GLIPR2: variants seen among roughly 807,000 people sequenced by gnomAD.
GLIPR2 encodes the protein GLI pathogenesis related 2, also known as Golgi-associated plant pathogenesis-related protein 1.
GLIPR2 carries 21 observed loss-of-function variants against 20.4 expected under a neutral mutation model. The observed-to-expected ratio is 1.03, with a 90% CI of 0.73 to 1.48. The LOEUF is 1.48. Among genes scored for constraint, GLIPR2 ranks in the 40% most tolerant of loss-of-function variants. GLIPR2 has a pLI of 0.00. For missense variants in GLIPR2, 205 were observed against 200.1 expected (o/e 1.02, Z -0.15); for synonymous variants, 91 against 80.5 (o/e 1.13, Z -0.70).
intron 1 of GLIPR2, among the ~76,000 whole-genome samples, chr9:36,138,255 CCTT>C (rs1184067830): frequency 3.3e-5 from 5 of 151,932 alleles, no homozygotes; most frequent in Non-Finnish European, 7.4e-5. Context: ...GACGTGGTCT[CCTT>C]CTGTTGCCCA....
intron 1 of GLIPR2, among the ~76,000 whole-genome samples, chr9:36,138,846 G>A (rs571034424): frequency 2.0e-5 from 3 of 152,320 alleles, no homozygotes; most frequent in South Asian, 4.1e-4. Flanking sequence ...GGGAGCCGAC[G>A]AGGGTTCCTG....
intron 1 of GLIPR2, among the ~76,000 whole-genome samples, chr9:36,145,257 A>C (rs527625461): frequency 1.3e-5 from 2 of 152,354 alleles, no homozygotes; most frequent in East Asian, 3.9e-4. Context: ...CAGTGTCTTC[A>C]TCATAGCCTG....
At chr9:36,153,522 C>T (rs550446056) in intron 4 of GLIPR2, among the ~76,000 whole-genome samples, 26 of 152,292 alleles carry the variant, frequency 1.7e-4, no homozygotes, top group Admixed American at 1.6e-3. Flanking sequence ...CAGCCTCCCC[C>T]AGACCCTGTC....
Position 36,147,883 on chromosome 9 carries a change from G to C in GLIPR2, c.111G>C (p.Arg37=), listed in dbSNP as rs376495118. 6.5e-7 allele frequency: 1 copy of C among 1,535,160 alleles called. No individual in the cohort carries two copies. The highest frequency in any genetic ancestry group is 1.4e-5 in the African/African-American group (1 of 73,080). The change falls in exon 2 of 5, where the codon CGG becomes CGC. Residue 37 remains arginine, a synonymous_variant. Transcript: ENST00000377960. ...PPLKLCKNLN[R]EAQQYSEALA... ...TGAAGCTCTGCAAGAACCTCAACCG[G>C]GAGGCTCAACAGTGAGTCCCCTAGC...
At chr9:36,147,942 A>G (rs2132737453) in intron 2 of GLIPR2, 48 bp downstream of exon 2, 2 of 877,658 alleles carry the variant, frequency 2.3e-6, no homozygotes, top group South Asian at 1.3e-5. Flanking sequence ...ATGTGCTGCT[A>G]CTGCAGTCAC....
intron 4 of GLIPR2, 132 bp from the exon 5 acceptor site, chr9:36,162,230 A>AG: frequency 6.3e-7 from 1 of 1,583,476 alleles, no homozygotes. Flanking sequence ...CTTCCCCTGC[A>AG]GGGGGTCTGT....
intron 3 of GLIPR2, among the ~76,000 whole-genome samples, chr9:36,149,950 C>T (rs1825506905): frequency 6.6e-6 from 1 of 152,316 alleles, no homozygotes; most frequent in South Asian, 2.1e-4. Context: ...ATCGCTTGAA[C>T]CTGGGAGGTG....
Position 36,136,960 on chromosome 9 carries a change from G to A in GLIPR2, c.13+169G>A, listed in dbSNP as rs73438830. The A allele has an allele frequency of 6.5e-4, 509 of 784,050 alleles. 5 individuals carry two copies. The African/African-American group carries it at 8.7e-3, about 13-fold the overall frequency. 48.6% of individuals were successfully genotyped at this position (784,050 alleles called of 1,614,324 possible). ...CGGCGCGGTTTCCGGGGAACCCGGG[G>A]GGAAGGCGAGCCCGAGGGAGGCCCC... On this transcript the variant is annotated intron_variant, in intron 1 of 4. Transcript: ENST00000377960. The surrounding 1 kb of genome is among the most constrained non-coding windows in gnomAD (Gnocchi z 4.3).
intron 1 of GLIPR2, among the ~76,000 whole-genome samples, chr9:36,138,508 C>A (rs961201088): frequency 6.6e-6 from 1 of 152,156 alleles, no homozygotes; most frequent in African/African-American, 2.4e-5. Flanking sequence ...CAGGTGCGCC[C>A]AGCCTAGGCT....
intron 1 of GLIPR2, among the ~76,000 whole-genome samples, chr9:36,141,694 C>G (rs930774474): frequency 2.6e-5 from 4 of 152,120 alleles, no homozygotes; most frequent in Admixed American, 2.6e-4. Flanking sequence ...TGCTCTGTCA[C>G]GCAGGCTGGA....
intron 1 of GLIPR2, among the ~76,000 whole-genome samples, 183 bp from the exon 2 acceptor site, chr9:36,147,603 C>T (rs1318420984): frequency 6.6e-6 from 1 of 152,218 alleles, no homozygotes; most frequent in Non-Finnish European, 1.5e-5. Context: ...GAGCGCGATG[C>T]CAGGTAGGGT....
chr9:36,163,491 G>C lies in GLIPR2; in HGVS notation c.*969G>C, dbSNP rs1315310512. 6.5e-6 allele frequency: 1 copy of C among 153,896 alleles called. No individual in the cohort carries two copies. The highest frequency in any genetic ancestry group is 2.4e-5 in the African/African-American group (1 of 41,484). 9.5% of individuals were successfully genotyped at this position (153,896 alleles called of 1,614,324 possible). On this transcript the variant is annotated 3_prime_UTR_variant, in exon 5 of 5. Coordinates refer to ENST00000377960, the MANE Select transcript of GLIPR2 (RefSeq NM_022343.4). ...TCCCCCCACACAGGGCGGGAGCCCA[G>C]GCCTGTTCCTGGCAGCTGTGGCTGC...
chr9:36,150,288 T>A (rs1029120370), intron 3 of GLIPR2, among the ~76,000 whole-genome samples: 1 of 152,086 alleles, frequency 6.6e-6, no homozygotes, highest in African/African-American at 2.4e-5. Flanking sequence ...TGCTCTGAGG[T>A]CCCCGCTCCT....
At chr9:36,141,862 C>T (rs1187989135) in intron 1 of GLIPR2, 1 of 455,424 alleles carries the variant, frequency 2.2e-6, no homozygotes. Flanking sequence ...TACAGAGCCT[C>T]CAGCGGTAGA....
intron 2 of GLIPR2, among the ~76,000 whole-genome samples, chr9:36,148,100 T>G (rs1825414782): frequency 6.6e-6 from 1 of 152,094 alleles, no homozygotes; most frequent in African/African-American, 2.4e-5. Flanking sequence ...ATACAAAAAT[T>G]AGCCATGTGT....
At chr9:36,139,491 T>C (rs1211107022) in intron 1 of GLIPR2, among the ~76,000 whole-genome samples, 1 of 152,186 alleles carries the variant, frequency 6.6e-6, no homozygotes, top group Non-Finnish European at 1.5e-5. Flanking sequence ...GGTGACCCCG[T>C]GCCCAGTGGT....
At chr9:36,162,014 A>G (rs1826074055) in intron 4 of GLIPR2, among the ~76,000 whole-genome samples, 1 of 152,152 alleles carries the variant, frequency 6.6e-6, no homozygotes, top group South Asian at 2.1e-4. Flanking sequence ...CTCTACTAAA[A>G]ATACAAAAAA....
chr9:36,140,260 C>T (rs1378951770), intron 1 of GLIPR2, among the ~76,000 whole-genome samples: 1 of 152,166 alleles, frequency 6.6e-6, no homozygotes, highest in Admixed American at 6.5e-5. Flanking sequence ...CCACCTAGCA[C>T]CAGAGGAAAT....
rs542123704 is a variant in GLIPR2, at chr9:36,157,573, C to G, written c.305-4789C>G. Among the ~76,000 whole-genome samples the G allele has an allele frequency of 1.5e-4, 23 of 151,822 alleles. No homozygotes were observed. The South Asian group carries it at 4.8e-3, about 32-fold the overall frequency. On this transcript the variant is annotated intron_variant, in intron 4 of 4. Transcript: ENST00000377960. ...CATTGGCCCGGCTAGTCTCAAACTC[C>G]TGACCCCAGGTGATCCACCCGCCTT...
Sources: allele counts gnomAD v4.1 joint callset (sites outside exome capture counted in the v4.1 genomes callset), GRCh38; gene constraint gnomAD v4.1.1; non-coding constraint Gnocchi (gnomAD v3.1); transcripts MANE v1.5; gene names NCBI Gene and HGNC (gene_info 2026-07-23, HGNC 2026-07-21).